GLIS3: variants seen among roughly 807,000 people sequenced by gnomAD.
GLIS3 encodes GLIS family zinc finger 3, also known as zinc finger protein GLIS3.
Under a neutral mutation model 78.6 loss-of-function variants are expected in GLIS3, and 53 were observed. The observed-to-expected ratio is 0.67, with a 90% CI of 0.54 to 0.85. The LOEUF (loss-of-function observed/expected upper bound fraction) is 0.85, where lower values mean the gene tolerates loss of function less well. Among genes scored for constraint, GLIS3 ranks in the 40% least tolerant of loss-of-function variants. GLIS3 has a pLI of 0.00. For synonymous variants in GLIS3, 684 were observed against 509.9 expected, an observed-to-expected ratio of 1.34 and a Z score of -4.60; for missense variants, 1,703 against 1,231.1, an observed-to-expected ratio of 1.38 and a Z score of -5.74.
At chr9:4,482,450 C>G in the GLIS3 span, among the ~76,000 whole-genome samples, 1 of 152,190 alleles carries the variant, frequency 6.6e-6, no homozygotes, top group African/African-American at 2.4e-5. Flanking sequence ...AAAAGTGTGT[C>G]TAGCTGCGCT....
At chr9:4,265,157 G>C (rs1169034227) in intron 2 of GLIS3, among the ~76,000 whole-genome samples, 1 of 141,776 alleles carries the variant, frequency 7.1e-6, no homozygotes, top group Non-Finnish European at 1.5e-5. Context: ...GGGCAACAGA[G>C]TGAGACGCCG....
At chr9:3,979,631 C>A (rs1340698881) in intron 4 of GLIS3, among the ~76,000 whole-genome samples, 2 of 152,122 alleles carry the variant, frequency 1.3e-5, no homozygotes, top group African/African-American at 4.8e-5. Flanking sequence ...CCTGTGTCCC[C>A]ATGACACTCC....
At chr9:4,145,870 T>C (rs1381120109) in intron 2 of GLIS3, among the ~76,000 whole-genome samples, 1 of 152,048 alleles carries the variant, frequency 6.6e-6, no homozygotes, top group Non-Finnish European at 1.5e-5. Flanking sequence ...ATTTAAACAA[T>C]ATACTTCATT....
chr9:4,313,712 C>G (rs980247899), intron 2 of GLIS3, among the ~76,000 whole-genome samples: 1 of 152,206 alleles, frequency 6.6e-6, no homozygotes, highest in African/African-American at 2.4e-5. Flanking sequence ...GATGCCCTTC[C>G]TGGACCAGTC....
At chr9:3,905,269 CA>C (rs998624213) in intron 6 of GLIS3, among the ~76,000 whole-genome samples, 1 of 150,630 alleles carries the variant, frequency 6.6e-6, no homozygotes, top group Non-Finnish European at 1.5e-5. Context: ...GGATTACAGG[CA>C]TGAGCCACTG....
chr9:4,402,274 C>G, the GLIS3 span, among the ~76,000 whole-genome samples: 1 of 152,230 alleles, frequency 6.6e-6, no homozygotes, highest in Non-Finnish European at 1.5e-5. Flanking sequence ...GGTACCTCTA[C>G]AAATATGCAA....
chr9:4,448,755 A>G, the GLIS3 span, among the ~76,000 whole-genome samples: 2 of 152,200 alleles, frequency 1.3e-5, no homozygotes, highest in African/African-American at 4.8e-5. Flanking sequence ...GCTGAATTGA[A>G]GTTTCCAGTA....
At chr9:4,164,256 G>T (rs1037858193) in intron 2 of GLIS3, among the ~76,000 whole-genome samples, 4 of 152,000 alleles carry the variant, frequency 2.6e-5, no homozygotes, top group African/African-American at 9.7e-5. Context: ...GCAAACCCTG[G>T]GAAAATTATA....
chr9:4,031,024 T>A (rs979690353), intron 4 of GLIS3, among the ~76,000 whole-genome samples: 1 of 152,128 alleles, frequency 6.6e-6, no homozygotes. Flanking sequence ...GTGGAGAAAT[T>A]TGAACATTCG....
intron 2 of GLIS3, among the ~76,000 whole-genome samples, chr9:4,249,108 A>G (rs1028259323): frequency 2.0e-5 from 3 of 152,060 alleles, no homozygotes; most frequent in Admixed American, 2.0e-4. Context: ...TCTCGGCTAT[A>G]TGGGCTCTTT....
At chr9:4,011,497 G>C (rs894783774) in intron 4 of GLIS3, among the ~76,000 whole-genome samples, 1 of 152,182 alleles carries the variant, frequency 6.6e-6, no homozygotes, top group Non-Finnish European at 1.5e-5. Flanking sequence ...GGACTGTGTG[G>C]TGTGCACGGT....
At chr9:3,905,140 A>ATTTT (rs369063136) in intron 6 of GLIS3, among the ~76,000 whole-genome samples, 2,450 of 108,974 alleles carry the variant, frequency 0.022, 63 homozygotes, top group South Asian at 0.048. Context: ...GCCCGGTTAA[A>ATTTT]TTTTTTTCTT....
chr9:4,237,881 T>G (rs1822915943), intron 2 of GLIS3, among the ~76,000 whole-genome samples: 1 of 152,236 alleles, frequency 6.6e-6, no homozygotes, highest in Admixed American at 6.5e-5. Flanking sequence ...TTGATGTGGC[T>G]TTAAACAACT....
intron 9 of GLIS3, among the ~76,000 whole-genome samples, chr9:3,837,998 G>T (rs1818457856): frequency 6.6e-6 from 1 of 151,992 alleles, no homozygotes; most frequent in South Asian, 2.1e-4. Context: ...GTGTGGAGGG[G>T]GTGGGGGGAG....
intron 2 of GLIS3, among the ~76,000 whole-genome samples, chr9:4,153,060 T>C (rs565971351): frequency 2.6e-5 from 4 of 152,270 alleles, no homozygotes; most frequent in Admixed American, 1.3e-4. Flanking sequence ...TCTAGCCTCT[T>C]ACCCACTAGA....
the GLIS3 span, among the ~76,000 whole-genome samples, chr9:4,368,851 A>C: frequency 3.9e-5 from 6 of 152,200 alleles, no homozygotes; most frequent in African/African-American, 9.6e-5. Context: ...GTGTCTAAGA[A>C]CTTGCTGGTT....
At chr9:4,346,542 C>G (rs1817899824) in intron 2 of GLIS3, among the ~76,000 whole-genome samples, 1 of 152,126 alleles carries the variant, frequency 6.6e-6, no homozygotes, top group African/African-American at 2.4e-5. Context: ...CATCCAGAGC[C>G]ACAAAATGTC....
chr9:4,204,746 T>C (rs945037724), intron 2 of GLIS3, among the ~76,000 whole-genome samples: 1 of 151,742 alleles, frequency 6.6e-6, no homozygotes. Flanking sequence ...AAACCGTGTC[T>C]CTAGTAAAAT....
chr9:4,217,230 G>T (rs907385979), intron 2 of GLIS3, among the ~76,000 whole-genome samples: 1 of 152,206 alleles, frequency 6.6e-6, no homozygotes, highest in Non-Finnish European at 1.5e-5. Flanking sequence ...AAGAATGTGT[G>T]CTGGGAAGAA....
Sources: gnomAD v4.1 joint callset for allele counts (sites outside exome capture counted in the v4.1 genomes callset) on GRCh38, gnomAD v4.1.1 for gene constraint, MANE v1.5 for transcripts, NCBI Gene and HGNC (gene_info 2026-07-23, HGNC 2026-07-21) for gene names.